The following NBAS variants were observed in gnomAD, a reference collection of about 807,000 sequenced individuals.
NBAS encodes the protein NBAS subunit of NRZ tethering complex.
NBAS carries 219 observed loss-of-function variants against 302.5 expected under a neutral mutation model. The observed-to-expected ratio is 0.72, with a 90% CI of 0.65 to 0.81. The LOEUF (loss-of-function observed/expected upper bound fraction) is 0.81, where lower values mean the gene tolerates loss of function less well. Ranked by LOEUF, NBAS falls within the 30% of genes least tolerant of loss-of-function variation. NBAS has a pLI of 0.00. For synonymous variants in NBAS, 1,118 were observed against 1,021.6 expected, an observed-to-expected ratio of 1.09 and a Z score of -1.80; for missense variants, 2,932 against 2,841.6, an observed-to-expected ratio of 1.03 and a Z score of -0.72.
intron 48 of NBAS, among the ~76,000 whole-genome samples, chr2:15,193,897 G>C (rs1665484161): frequency 6.6e-6 from 1 of 151,980 alleles, no homozygotes; most frequent in East Asian, 1.9e-4. Context: ...TCATAAAAGA[G>C]ACAGTGAAGG....
intron 21 of NBAS, among the ~76,000 whole-genome samples, chr2:15,449,088 C>A (rs1223554193): frequency 1.3e-5 from 2 of 151,964 alleles, no homozygotes; most frequent in African/African-American, 4.8e-5. Flanking sequence ...TAGCATCCTT[C>A]TTTTTAAGAG....
At chr2:15,286,236 G>A (rs577831357) in intron 42 of NBAS, among the ~76,000 whole-genome samples, 48 of 152,172 alleles carry the variant, frequency 3.2e-4, no homozygotes, top group Admixed American at 5.2e-4. Context: ...TTGTCATGCC[G>A]TCTGTTACCA....
At chr2:15,429,765 GGT>G (rs1222813793) in intron 21 of NBAS, among the ~76,000 whole-genome samples, 2 of 152,140 alleles carry the variant, frequency 1.3e-5, no homozygotes, top group Admixed American at 6.5e-5. Flanking sequence ...GGTTTTTGAA[GGT>G]GTGTGAGTCC....
At chr2:14,904,467 G>A in the NBAS span, among the ~76,000 whole-genome samples, 3 of 152,188 alleles carry the variant, frequency 2.0e-5, no homozygotes, top group African/African-American at 4.8e-5. Context: ...ATGGAGGCTG[G>A]AAGACTCAGC....
At chr2:15,203,877 T>TAC (rs1186723913) in intron 48 of NBAS, among the ~76,000 whole-genome samples, 1 of 131,628 alleles carries the variant, frequency 7.6e-6, no homozygotes, top group Non-Finnish European at 1.7e-5. Flanking sequence ...TGTCTGTGTG[T>TAC]GTGTGTGTGT....
intron 40 of NBAS, among the ~76,000 whole-genome samples, chr2:15,302,496 A>AC (rs1385900839): frequency 6.6e-6 from 1 of 151,996 alleles, no homozygotes; most frequent in Non-Finnish European, 1.5e-5. Context: ...AACAGCGGCT[A>AC]CCCTATGTTG....
the NBAS span, among the ~76,000 whole-genome samples, chr2:14,906,039 T>C: frequency 6.6e-6 from 1 of 152,166 alleles, no homozygotes; most frequent in Non-Finnish European, 1.5e-5. Context: ...CATCACTTTA[T>C]TCCCACTCCG....
the NBAS span, among the ~76,000 whole-genome samples, chr2:14,946,891 A>G: frequency 1.3e-5 from 2 of 152,224 alleles, no homozygotes; most frequent in African/African-American, 4.8e-5. Context: ...CTTCACATAC[A>G]CATGGAAGTT....
At chr2:15,331,486 TCCAC>T (rs1480550889) in intron 35 of NBAS, among the ~76,000 whole-genome samples, 1 of 152,236 alleles carries the variant, frequency 6.6e-6, no homozygotes, top group Non-Finnish European at 1.5e-5. Flanking sequence ...TCTATCCACT[TCCAC>T]TTACTATTTT....
chr2:15,061,999 C>G, the NBAS span, among the ~76,000 whole-genome samples: 1 of 152,098 alleles, frequency 6.6e-6, no homozygotes, highest in South Asian at 2.1e-4. Flanking sequence ...GATGTGCAGC[C>G]GAGACCCCAA....
the NBAS span, among the ~76,000 whole-genome samples, chr2:14,798,468 A>G: frequency 6.6e-6 from 1 of 152,182 alleles, no homozygotes. Flanking sequence ...ATATGTTGTC[A>G]GATTCAATTT....
chr2:15,483,154 A>G (rs1360172884), intron 12 of NBAS: 1 of 154,632 alleles, frequency 6.5e-6, no homozygotes. Context: ...TAAAAGCAAC[A>G]TTTCAAAGGC....
intron 44 of NBAS, among the ~76,000 whole-genome samples, chr2:15,242,689 C>A: frequency 6.6e-6 from 1 of 150,850 alleles, no homozygotes; most frequent in Admixed American, 6.6e-5. Context: ...CCCACGGTAC[C>A]ATTATTCTTA....
chr2:15,254,041 T>C (rs1443777653), intron 44 of NBAS, among the ~76,000 whole-genome samples: 2 of 152,122 alleles, frequency 1.3e-5, no homozygotes, highest in East Asian at 1.9e-4. Flanking sequence ...ACATAAGCAA[T>C]TGCCAGCCAT....
At chr2:15,326,749 G>A (rs147757815) in intron 38 of NBAS, among the ~76,000 whole-genome samples, 1 of 152,138 alleles carries the variant, frequency 6.6e-6, no homozygotes, top group Non-Finnish European at 1.5e-5. Context: ...GAGAAGGATA[G>A]GTAGAAAAAC....
At chr2:15,234,168 T>C (rs1667492090) in intron 46 of NBAS, among the ~76,000 whole-genome samples, 1 of 152,190 alleles carries the variant, frequency 6.6e-6, no homozygotes, top group African/African-American at 2.4e-5. Context: ...CTGGGAACCA[T>C]TTTCCCACTA....
chr2:15,152,275 A>G, the NBAS span, among the ~76,000 whole-genome samples: 1 of 152,232 alleles, frequency 6.6e-6, no homozygotes, highest in Admixed American at 6.5e-5. Context: ...CAAGTCCATT[A>G]TGATGGTGGC....
Position 15,434,546 on chromosome 2 carries a change from G to A in NBAS, c.2340-6752C>T, listed in dbSNP as rs529783705. ...AAAGTCTCCCAAATAAAACACTTAG[G>A]TAATAAGTTTTACATTCTGAATTTG... is the stretch of plus-strand genomic sequence containing the variant. On this transcript the variant is annotated intron_variant, in intron 21 of 51. Coordinates refer to ENST00000281513, the MANE Select transcript of NBAS (RefSeq NM_015909.4). Among the ~76,000 whole-genome samples, 461 of 152,136 alleles carry A rather than the reference G, an allele frequency of 3.0e-3. 1 individual carries two copies. The highest frequency in any genetic ancestry group is 5.6e-3 in the Non-Finnish European group (380 of 68,006).
chr2:15,322,240 G>T (rs1671843482), intron 38 of NBAS, among the ~76,000 whole-genome samples: 1 of 151,418 alleles, frequency 6.6e-6, no homozygotes, highest in African/African-American at 2.4e-5. Flanking sequence ...ACCTGTCAGG[G>T]GGTGGGGGGC....
Sources: gnomAD v4.1 joint callset for allele counts (sites outside exome capture counted in the v4.1 genomes callset) on GRCh38, gnomAD v4.1.1 for gene constraint, MANE v1.5 for transcripts, NCBI Gene and HGNC (gene_info 2026-07-23, HGNC 2026-07-21) for gene names.